Variants in FARS2 observed in about 807,000 individuals in gnomAD.
FARS2 encodes the protein phenylalanyl-tRNA synthetase 2, mitochondrial, also known as phenylalanine--tRNA ligase, mitochondrial.
FARS2 carries 40 observed loss-of-function variants against 46.4 expected under a neutral mutation model. The ratio of observed to expected loss-of-function variants is 0.86; its 90% CI spans 0.67 to 1.12. FARS2 has a LOEUF of 1.12. Ranked by LOEUF, FARS2 falls within the 50% of genes most tolerant of loss-of-function variation. The probability of loss-of-function intolerance (pLI) is 0.00; values close to 1 mark genes in which losing one functional copy is unlikely to be tolerated. For missense variants in FARS2, 513 were observed against 567.9 expected (o/e 0.90, Z 0.98); for synonymous variants, 234 against 214.9 (o/e 1.09, Z -0.78).
intron 4 of FARS2, among the ~76,000 whole-genome samples, chr6:5,530,805 A>G (rs1769779107): frequency 6.8e-6 from 1 of 147,324 alleles, no homozygotes; most frequent in African/African-American, 2.5e-5. Flanking sequence ...TATATTGACA[A>G]ATATATCAAT....
intron 4 of FARS2, among the ~76,000 whole-genome samples, chr6:5,454,806 A>G (rs184453199): frequency 2.6e-5 from 4 of 152,306 alleles, no homozygotes; most frequent in Non-Finnish European, 5.9e-5. Flanking sequence ...CTCTCTGGCC[A>G]TGCGGACCCG....
chr6:5,597,097 T>C (rs1199941540), intron 5 of FARS2, among the ~76,000 whole-genome samples: 1 of 152,238 alleles, frequency 6.6e-6, no homozygotes, highest in Admixed American at 6.5e-5. Flanking sequence ...GCGCTGGCAC[T>C]GCTGCCCTGG....
intron 4 of FARS2, among the ~76,000 whole-genome samples, chr6:5,442,691 T>C (rs975603919): frequency 2.6e-5 from 4 of 152,210 alleles, no homozygotes; most frequent in Non-Finnish European, 5.9e-5. Context: ...AGTCCCACCC[T>C]CGGTGACAGT....
At chr6:5,453,568 G>A (rs1254040375) in intron 4 of FARS2, among the ~76,000 whole-genome samples, 1 of 152,198 alleles carries the variant, frequency 6.6e-6, no homozygotes, top group Non-Finnish European at 1.5e-5. Flanking sequence ...CTTCTTACTA[G>A]TATAATAGGA....
At position 5,387,848 on chromosome 6, in the gene FARS2, T is replaced by C. The variant is rs1760236138; in HGVS notation, c.613-16694T>C. ...GAGCTGCAATCTGTCTATAGCATGC[T>C]GAACTCATTCAGAGGAGTATATTGT... On this transcript the variant is annotated intron_variant, in intron 2 of 6. Transcript: ENST00000274680. 2.0e-5 allele frequency among the ~76,000 whole-genome samples: 3 copies of C among 152,244 alleles called. No individual in the cohort carries two copies. In the South Asian group the frequency reaches 6.2e-4, roughly 31 times the overall value.
intron 4 of FARS2, among the ~76,000 whole-genome samples, chr6:5,507,439 G>A (rs920738756): frequency 2.0e-5 from 3 of 152,140 alleles, no homozygotes; most frequent in Non-Finnish European, 4.4e-5. Context: ...GGCTGAGAAG[G>A]AGTTTGAAGC....
intron 1 of FARS2, among the ~76,000 whole-genome samples, chr6:5,310,128 TC>T (rs1768986402): frequency 6.6e-6 from 1 of 152,198 alleles, no homozygotes; most frequent in Non-Finnish European, 1.5e-5. Flanking sequence ...AAGTAGGTTT[TC>T]AAATCACTAG....
intron 6 of FARS2, among the ~76,000 whole-genome samples, chr6:5,708,458 C>T (rs1202727720): frequency 6.6e-6 from 1 of 152,150 alleles, no homozygotes; most frequent in African/African-American, 2.4e-5. Flanking sequence ...GAGTCCACAG[C>T]TATGGCCCCA....
In FARS2 at chr6:5,396,323, T is replaced by G. The variant is rs546052886; in HGVS notation, c.613-8219T>G. ...GTTAGAGTTGTGTTTAATTTCACCG[T>G]TATATATTGTCATTGGTCCTCAGCC... On this transcript the variant is annotated intron_variant, in intron 2 of 6. Transcript: ENST00000274680. Among the ~76,000 whole-genome samples, 15 of 152,300 alleles carry G rather than the reference T, an allele frequency of 9.8e-5. 1 individual carries two copies. In the South Asian group the frequency reaches 2.9e-3, roughly 29 times the overall value.
At chr6:5,439,525 T>C (rs13203473) in intron 4 of FARS2, among the ~76,000 whole-genome samples, 1 of 152,310 alleles carries the variant, frequency 6.6e-6, no homozygotes, top group Non-Finnish European at 1.5e-5. Flanking sequence ...AATTTTTCTG[T>C]TTTTTTACTT....
At chr6:5,383,989 A>T (rs1162282954) in intron 2 of FARS2, among the ~76,000 whole-genome samples, 1 of 152,176 alleles carries the variant, frequency 6.6e-6, no homozygotes, top group Non-Finnish European at 1.5e-5. Flanking sequence ...CCCAGGAAGA[A>T]GATGTTGAGA....
chr6:5,265,571 G>T lies in FARS2; in HGVS notation c.-22+3911G>T, dbSNP rs1187628399. Among the ~76,000 whole-genome samples the T allele has an allele frequency of 3.3e-5, 5 of 152,150 alleles. No homozygotes were observed. In the East Asian group the frequency reaches 9.6e-4, roughly 29 times the overall value. On this transcript the variant is annotated intron_variant, in intron 1 of 6. Transcript: ENST00000274680. ...TCCTATATTCCAGAGGCACTGAAATGTTATTTATTTACCTGTGCATTCAAG... is the reference window on the plus strand; with the variant it reads ...TCCTATATTCCAGAGGCACTGAAATTTTATTTATTTACCTGTGCATTCAAG...
intron 5 of FARS2, among the ~76,000 whole-genome samples, chr6:5,602,661 A>AAT (rs1263424451): frequency 6.9e-6 from 1 of 145,796 alleles, no homozygotes; most frequent in African/African-American, 2.5e-5. Flanking sequence ...AAAAAAAAAA[A>AAT]AAAAAAAAAG....
At chr6:5,690,691 T>C (rs1269568713) in intron 6 of FARS2, among the ~76,000 whole-genome samples, 1 of 152,164 alleles carries the variant, frequency 6.6e-6, no homozygotes, top group Admixed American at 6.5e-5. Flanking sequence ...GTTGCTCTTC[T>C]CGAGGAGTAT....
intron 4 of FARS2, among the ~76,000 whole-genome samples, chr6:5,453,880 C>T (rs111327452): frequency 6.6e-5 from 10 of 152,220 alleles, no homozygotes; most frequent in South Asian, 2.1e-4. Context: ...CCCACGAAGC[C>T]GTGCCTGATT....
chr6:5,539,052 C>T (rs1418976969), intron 4 of FARS2, among the ~76,000 whole-genome samples: 1 of 152,028 alleles, frequency 6.6e-6, no homozygotes, highest in Non-Finnish European at 1.5e-5. Context: ...TCAGGTAGAG[C>T]CAGTCTCCTC....
chr6:5,700,138 C>T (rs1287183780), intron 6 of FARS2, among the ~76,000 whole-genome samples: 2 of 152,208 alleles, frequency 1.3e-5, no homozygotes, highest in Admixed American at 6.5e-5. Flanking sequence ...CTAAATTTTT[C>T]ATTGAAAATG....
At chr6:5,716,309 C>A (rs1201338209) in intron 6 of FARS2, among the ~76,000 whole-genome samples, 1 of 152,110 alleles carries the variant, frequency 6.6e-6, no homozygotes, top group East Asian at 1.9e-4. Context: ...TTGGTTTAAT[C>A]TAGATCCAAA....
intron 4 of FARS2, among the ~76,000 whole-genome samples, chr6:5,520,607 G>C (rs1769072581): frequency 6.6e-6 from 1 of 152,146 alleles, no homozygotes; most frequent in African/African-American, 2.4e-5. Context: ...TCCTTCCTCT[G>C]TCATCAGCGC....
Sources: allele counts gnomAD v4.1 joint callset (sites outside exome capture counted in the v4.1 genomes callset), GRCh38; gene constraint gnomAD v4.1.1; transcripts MANE v1.5; gene names NCBI Gene and HGNC (gene_info 2026-07-23, HGNC 2026-07-21).